The following SLC20A2 variants were observed in gnomAD, a reference collection of about 807,000 sequenced individuals.
SLC20A2 encodes the protein sodium-dependent phosphate transporter 2.
A neutral mutation model predicts 61.0 loss-of-function variants in SLC20A2; 30 were observed. The ratio of observed to expected loss-of-function variants is 0.49; its 90% CI spans 0.37 to 0.67. SLC20A2 has a LOEUF of 0.67. Among genes scored for constraint, SLC20A2 ranks in the 30% least tolerant of loss-of-function variants. The pLI, the probability that SLC20A2 is intolerant of heterozygous loss-of-function variation, is 0.00. For synonymous variants in SLC20A2, 351 were observed against 353.3 expected (o/e 0.99, Z 0.07); for missense variants, 626 against 866.4 (o/e 0.72, Z 3.48).
chr8:42,447,860 C>T (rs545175443), intron 5 of SLC20A2, among the ~76,000 whole-genome samples: 51 of 152,290 alleles, frequency 3.3e-4, no homozygotes, highest in African/African-American at 1.1e-3. Context: ...GCTCCCATCC[C>T]CCTGACTACA....
chr8:42,452,711 G>C (rs1805839938), intron 5 of SLC20A2, among the ~76,000 whole-genome samples: 1 of 151,720 alleles, frequency 6.6e-6, no homozygotes, highest in Admixed American at 6.6e-5. Context: ...GGGAGGAAGA[G>C]ATGAAGAGGA....
rs188821846 is a variant in SLC20A2, at chr8:42,437,676, T to C, written c.935-99A>G. On this transcript the variant is annotated intron_variant, in intron 7 of 10. Coordinates refer to ENST00000520262, the MANE Select transcript of SLC20A2 (RefSeq NM_001257180.2). The surrounding 1 kb of genome is among the most constrained non-coding windows in gnomAD (Gnocchi z 6.4). ...GCTCTGTCCTCAGGGTGGAGTACAA[T>C]GGCGCAATCTCGGCTCACTGCAACC... The C allele has an allele frequency of 2.6e-4, 263 of 1,016,650 alleles. 6 individuals carry two copies. In the East Asian group the frequency reaches 4.5e-3, roughly 17 times the overall value. The allele number at this position is 1,016,650 out of a possible 1,614,324, so 63.0% of individuals were successfully genotyped here. A position where few individuals can be genotyped will look rare whatever the true frequency, so the allele number is the denominator to read the frequency against.
chr8:42,521,768 G>A (rs1413072980), intron 1 of SLC20A2, among the ~76,000 whole-genome samples: 1 of 121,634 alleles, frequency 8.2e-6, no homozygotes, highest in Non-Finnish European at 2.0e-5. Flanking sequence ...GGGATTACAG[G>A]TGTGAACCAC....
At chr8:42,490,608 C>CA (rs901087481) in intron 1 of SLC20A2, among the ~76,000 whole-genome samples, 7 of 151,954 alleles carry the variant, frequency 4.6e-5, no homozygotes, top group African/African-American at 1.4e-4. Flanking sequence ...AAAACAAAAA[C>CA]AAAAAAACCC....
chr8:42,421,155 C>T (rs1483657145), intron 10 of SLC20A2, among the ~76,000 whole-genome samples: 1 of 152,046 alleles, frequency 6.6e-6, no homozygotes, highest in African/African-American at 2.4e-5. Context: ...CAGTTTTGTG[C>T]CTCTTCCATA....
At chr8:42,513,006 G>C (rs78620807) in intron 1 of SLC20A2, among the ~76,000 whole-genome samples, 4,780 of 152,262 alleles carry the variant, frequency 0.031, 245 homozygotes, top group African/African-American at 0.11. Context: ...GAGTATCTCT[G>C]AGATCATTTA....
chr8:42,462,981 A>C (rs1453045385), intron 4 of SLC20A2, 24 bp downstream of exon 4: 3 of 1,450,428 alleles, frequency 2.1e-6, no homozygotes, highest in Non-Finnish European at 2.8e-6. Context: ...TTAAGATTTA[A>C]TTAAAAGTAG....
At chr8:42,436,469 A>G (rs1371225339) in intron 8 of SLC20A2, among the ~76,000 whole-genome samples, 1 of 152,138 alleles carries the variant, frequency 6.6e-6, no homozygotes, top group African/African-American at 2.4e-5. Context: ...GCCGTCGTCC[A>G]AAGCCAGTGC....
chr8:42,427,061 T>C (rs1157286948), intron 10 of SLC20A2, among the ~76,000 whole-genome samples: 1 of 152,254 alleles, frequency 6.6e-6, no homozygotes, highest in African/African-American at 2.4e-5. Context: ...AAACTCACAA[T>C]GAATGGGTGG....
At chr8:42,530,876 T>C (rs995904334) in intron 1 of SLC20A2, among the ~76,000 whole-genome samples, 20 of 152,054 alleles carry the variant, frequency 1.3e-4, no homozygotes, top group Non-Finnish European at 1.9e-4. Context: ...CCACCACGCC[T>C]TGCTAATTTT....
Position 42,522,359 on chromosome 8 carries a change from T to C in SLC20A2, c.-265+19462A>G, listed in dbSNP as rs1811644099. On this transcript the variant is annotated intron_variant, in intron 1 of 10. Coordinates refer to the SLC20A2 transcript ENST00000342228. ...AAGGTGTCAAAGTTAAGAAAAGTAA[T>C]ACAATTTCAAAGCAAAAAGGGTTAA... Among the ~76,000 whole-genome samples the C allele has an allele frequency of 1.6e-5, 2 of 121,666 alleles. 1 individual carries two copies. Among genetic ancestry groups the C allele is most frequent in the South Asian group, 5.8e-4 (2 of 3,452 alleles). The allele number at this position is 121,666 out of a possible 152,430, so 79.8% of individuals were successfully genotyped here.
At chr8:42,500,367 A>G (rs1159808421) in intron 1 of SLC20A2, among the ~76,000 whole-genome samples, 2 of 152,230 alleles carry the variant, frequency 1.3e-5, no homozygotes, top group Non-Finnish European at 2.9e-5. Flanking sequence ...GTTGGTAATA[A>G]TGTGTTAGAT....
At chr8:42,504,301 CT>C (rs1272455509), upstream of SLC20A2, among the ~76,000 whole-genome samples, 1 of 152,098 alleles carries the variant, frequency 6.6e-6, no homozygotes, top group African/African-American at 2.4e-5. Flanking sequence ...TGTGTGTATT[CT>C]TCTGGGGAGA....
intron 1 of SLC20A2, chr8:42,538,172 G>A (rs1188724267): frequency 6.7e-6 from 1 of 150,306 alleles, no homozygotes; most frequent in Non-Finnish European, 1.5e-5. Context: ...TTTCCCCACG[G>A]TATGTAACAT....
At chr8:42,436,191 G>C (rs1009765908) in intron 8 of SLC20A2, among the ~76,000 whole-genome samples, 2 of 151,814 alleles carry the variant, frequency 1.3e-5, no homozygotes, top group Non-Finnish European at 2.9e-5. Flanking sequence ...CTGTTTCCTC[G>C]GTCTGTGCAC....
chr8:42,418,807 G>A (rs1445523973), intron 10 of SLC20A2, among the ~76,000 whole-genome samples: 1 of 151,644 alleles, frequency 6.6e-6, no homozygotes, highest in Non-Finnish European at 1.5e-5. Context: ...GACCATCCTG[G>A]CTAACACGGT....
At chr8:42,526,333 A>G (rs1811930571) in intron 1 of SLC20A2, among the ~76,000 whole-genome samples, 1 of 152,144 alleles carries the variant, frequency 6.6e-6, no homozygotes, top group Admixed American at 6.5e-5. Flanking sequence ...TGACTGGTGA[A>G]CTGAAAACTG....
At position 42,472,234 on chromosome 8, in the gene SLC20A2, T is replaced by C; in HGVS notation, c.157A>G (p.Ile53Val). The C allele has an allele frequency of 6.2e-7, 1 of 1,614,100 alleles. No individual in the cohort carries two copies. Among genetic ancestry groups the C allele is most frequent in the African/African-American group, 1.3e-5 (1 of 75,000 alleles). Reference protein sequence around the residue: ...TLRQACILASIFETTGSVLLG... With the variant: ...TLRQACILASVFETTGSVLLG... ...AACACGGAGCCGGTGGTTTCAAATA[T>C]TGAAGCTAAAATGCATGCCTGCCTC... The change falls in exon 2 of 11, where the codon ATA (isoleucine) becomes GTA (valine). Residue 53 changes from isoleucine (I) to valine (V), a missense_variant. Ile to Val is a conservative substitution (Grantham distance 29). Around this residue, in one of 3 missense-constraint regions of SLC20A2, gnomAD observed 127 missense variants for 215.4 expected, o/e 0.59. Coordinates refer to ENST00000520262, the MANE Select transcript of SLC20A2 (RefSeq NM_001257180.2). The surrounding 1 kb of genome is among the most constrained non-coding windows in gnomAD (Gnocchi z 4.1).
chr8:42,487,125 A>G (rs1809078073), intron 1 of SLC20A2, among the ~76,000 whole-genome samples: 2 of 150,606 alleles, frequency 1.3e-5, no homozygotes, highest in Non-Finnish European at 2.9e-5. Flanking sequence ...TTGGCCTCCC[A>G]AAGTGCTGGG....
Sources: gnomAD v4.1 joint callset for allele counts (sites outside exome capture counted in the v4.1 genomes callset) on GRCh38, gnomAD v4.1.1 for gene constraint, gnomAD v4.1.1 regional missense constraint, Gnocchi (gnomAD v3.1) non-coding constraint, MANE v1.5 for transcripts, NCBI Gene and HGNC (gene_info 2026-07-23, HGNC 2026-07-21) for gene names.